The following NSL1 variants were observed in gnomAD, a reference collection of about 807,000 sequenced individuals.
NSL1 encodes kinetochore-associated protein NSL1 homolog.
Under a neutral mutation model 25.4 loss-of-function variants are expected in NSL1, and 11 were observed. The observed-to-expected ratio is 0.43, with a 90% CI of 0.27 to 0.72. The LOEUF (loss-of-function observed/expected upper bound fraction) is 0.72, where lower values mean the gene tolerates loss of function less well. Ranked by LOEUF, NSL1 falls within the 30% of genes least tolerant of loss-of-function variation. NSL1 has a pLI of 0.19. For missense variants in NSL1, 330 were observed against 342.7 expected (o/e 0.96, Z 0.29); for synonymous variants, 118 against 120.6 (o/e 0.98, Z 0.14).
intron 2 of NSL1, among the ~76,000 whole-genome samples, chr1:212,785,257 C>T (rs76454457): frequency 0.023 from 3,510 of 152,130 alleles, 89 homozygotes; most frequent in Non-Finnish European, 0.032. Flanking sequence ...ATTTAGCTAA[C>T]TCTACTTTAT....
chr1:212,727,040 C>T lies in NSL1; in HGVS notation c.*11368G>A, dbSNP rs569607222. 103 of 1,462,774 alleles carry T rather than the reference C, an allele frequency of 7.0e-5. No individual in the cohort carries two copies. Among genetic ancestry groups the T allele is most frequent in the Admixed American group, 1.5e-4 (7 of 47,638 alleles). The allele number at this position is 1,462,774 out of a possible 1,614,324, so 90.6% of individuals were successfully genotyped here. A position where few individuals can be genotyped will look rare whatever the true frequency, so the allele number is the denominator to read the frequency against. ...CTACTCCGGCCTTGGAGATGACTGC[C>T]GAGAGAGGGAGGGCGGGCTCTGGGT... is the stretch of plus-strand genomic sequence containing the variant. On this transcript the variant is annotated 3_prime_UTR_variant, in exon 6 of 6. Transcript: ENST00000366977.
intron 4 of NSL1, among the ~76,000 whole-genome samples, chr1:212,754,744 G>C (rs1259157116): frequency 9.2e-5 from 10 of 108,796 alleles, no homozygotes; most frequent in African/African-American, 3.8e-4. Context: ...ATTCCAGCCT[G>C]GGCAACAAGA....
intron 4 of NSL1, among the ~76,000 whole-genome samples, chr1:212,774,206 AAT>A (rs1227261560): frequency 1.3e-5 from 2 of 152,206 alleles, no homozygotes; most frequent in African/African-American, 2.4e-5. Flanking sequence ...GATTAAAAAT[AAT>A]ATGTCATATA....
chr1:212,755,535 G>A (rs1659263962), intron 4 of NSL1, among the ~76,000 whole-genome samples: 1 of 151,512 alleles, frequency 6.6e-6, no homozygotes, highest in South Asian at 2.1e-4. Context: ...TACATGTTGA[G>A]TGAAAAAAGA....
intron 4 of NSL1, among the ~76,000 whole-genome samples, chr1:212,763,397 A>G (rs11120018): frequency 0.23 from 34,491 of 152,084 alleles, 4,625 homozygotes; most frequent in African/African-American, 0.38. Context: ...AAAGTATCTA[A>G]GTAACAACTA....
chr1:212,771,299 T>C (rs1180691603), intron 4 of NSL1, among the ~76,000 whole-genome samples: 1 of 151,906 alleles, frequency 6.6e-6, no homozygotes, highest in African/African-American at 2.4e-5. Context: ...GGGCAATAAG[T>C]GCAAAACTCC....
chr1:212,777,728 G>C (rs1660440200), intron 4 of NSL1, among the ~76,000 whole-genome samples: 1 of 152,070 alleles, frequency 6.6e-6, no homozygotes, highest in African/African-American at 2.4e-5. Flanking sequence ...CACAAAGAAA[G>C]TTTCAACTAT....
In NSL1 at chr1:212,727,558, AC is replaced by A; in HGVS notation, c.*10849del. ...AAGGACAATGAATTAGACGTGTGCC[AC>A]ATACTTCTCTCAAAAACTTTATGAC... On this transcript the variant is annotated 3_prime_UTR_variant, in exon 6 of 6. Transcript: ENST00000366977. 1.0e-6 allele frequency: 1 copy of A among 985,446 alleles called. No individual in the cohort carries two copies. The highest frequency in any genetic ancestry group is 1.2e-6 in the Non-Finnish European group (1 of 829,928). The allele number at this position is 985,446 out of a possible 1,614,324, so 61.0% of individuals were successfully genotyped here. A position where few individuals can be genotyped will look rare whatever the true frequency, so the allele number is the denominator to read the frequency against.
chr1:212,767,125 C>T (rs1318683442), intron 4 of NSL1, among the ~76,000 whole-genome samples: 2 of 152,154 alleles, frequency 1.3e-5, no homozygotes, highest in Admixed American at 6.5e-5. Context: ...AAAGAGCCCA[C>T]ATAGCCAAAG....
intron 4 of NSL1, among the ~76,000 whole-genome samples, chr1:212,765,383 C>T (rs965401197): frequency 6.6e-6 from 1 of 152,144 alleles, no homozygotes; most frequent in Non-Finnish European, 1.5e-5. Context: ...AAAGATAATA[C>T]ATCATGATCA....
At chr1:212,762,192 G>A (rs561847012) in intron 4 of NSL1, among the ~76,000 whole-genome samples, 1 of 151,522 alleles carries the variant, frequency 6.6e-6, no homozygotes, top group Non-Finnish European at 1.5e-5. Flanking sequence ...CAGCTACTTG[G>A]GAGGCTGAGG....
rs927858232 is a variant in NSL1 at position 212,733,578 on chromosome 1, G to T, written c.*4830C>A. Among the ~76,000 whole-genome samples, 1 of 152,094 alleles carries T rather than the reference G, an allele frequency of 6.6e-6. No homozygotes were observed. The highest frequency in any genetic ancestry group is 1.5e-5 in the Non-Finnish European group (1 of 68,036). The stretch of plus-strand genomic sequence containing the variant: ...GTTCTGGACAGTTCATTTACATGGA[G>T]TCTACAAAATTCAGCAGTCTTTTGT... On this transcript the variant is annotated 3_prime_UTR_variant, in exon 6 of 6. Transcript: ENST00000366977.
chr1:212,727,069 C>G lies in NSL1; in HGVS notation c.*11339G>C. Reference sequence around the variant, plus strand: ...AGAGGGAGGGCGGGCTCTGGGTCACCCAGCTTCATCCTCTTCATCTTGCCA... The same window carrying G: ...AGAGGGAGGGCGGGCTCTGGGTCACGCAGCTTCATCCTCTTCATCTTGCCA... On this transcript the variant is annotated 3_prime_UTR_variant, in exon 6 of 6. Coordinates refer to ENST00000366977, the MANE Select transcript of NSL1 (RefSeq NM_015471.4). The G allele has an allele frequency of 6.6e-7, 1 of 1,516,886 alleles. No individual in the cohort carries two copies. Among genetic ancestry groups the G allele is most frequent in the Admixed American group, 2.1e-5 (1 of 48,756 alleles). The allele number at this position is 1,516,886 out of a possible 1,614,324, so 94.0% of individuals were successfully genotyped here.
chr1:212,773,896 A>G (rs1660233528), intron 4 of NSL1, among the ~76,000 whole-genome samples: 1 of 152,134 alleles, frequency 6.6e-6, no homozygotes, highest in Non-Finnish European at 1.5e-5. Flanking sequence ...ACAAGGATGG[A>G]ACTGGCATTA....
intron 1 of NSL1, among the ~76,000 whole-genome samples, chr1:212,789,373 G>A (rs538129452): frequency 4.0e-4 from 61 of 152,164 alleles, no homozygotes; most frequent in South Asian, 1.5e-3. Context: ...CATCACACCC[G>A]GCTAATTTTT....
intron 4 of NSL1, chr1:212,782,061 G>C (rs774309291): frequency 2.0e-5 from 12 of 600,544 alleles, no homozygotes; most frequent in South Asian, 5.5e-5. Flanking sequence ...GTAATGCAAA[G>C]AATAGATAGT....
chr1:212,738,131 A>C lies in NSL1; in HGVS notation c.*277T>G. 3 of 1,099,828 alleles carry C rather than the reference A, an allele frequency of 2.7e-6. No homozygotes were observed. Among genetic ancestry groups the C allele is most frequent in the Non-Finnish European group, 2.2e-6 (2 of 903,276 alleles). The allele number at this position is 1,099,828 out of a possible 1,614,324, so 68.1% of individuals were successfully genotyped here. On this transcript the variant is annotated 3_prime_UTR_variant, in exon 6 of 6. Coordinates refer to ENST00000366977, the MANE Select transcript of NSL1 (RefSeq NM_015471.4). ...AGGGAGCTGAGAGTTGATGGCACTT[A>C]AGGACAGTAAAAGTCTGCACTTTTA...
chr1:212,789,355 G>T (rs1010102791), intron 1 of NSL1, among the ~76,000 whole-genome samples: 10 of 152,088 alleles, frequency 6.6e-5, no homozygotes, highest in African/African-American at 2.4e-4. Context: ...GGGATTACAG[G>T]CAAGCGCCAT....
chr1:212,737,039 C>G lies in NSL1; in HGVS notation c.*1369G>C. ...ACTGTAAAAACAGCAACATATTATACAGCCTCAAAACAGTTTTAAACTGAA... is the reference window on the plus strand; with the variant it reads ...ACTGTAAAAACAGCAACATATTATAGAGCCTCAAAACAGTTTTAAACTGAA... On this transcript the variant is annotated 3_prime_UTR_variant, in exon 6 of 6. Transcript: ENST00000366977. 3 of 985,282 alleles carry G rather than the reference C, an allele frequency of 3.0e-6. No individual in the cohort carries two copies. The highest frequency in any genetic ancestry group is 3.6e-6 in the Non-Finnish European group (3 of 829,794). The allele number at this position is 985,282 out of a possible 1,614,324, so 61.0% of individuals were successfully genotyped here. A position where few individuals can be genotyped will look rare whatever the true frequency, so the allele number is the denominator to read the frequency against.
Sources: allele counts gnomAD v4.1 joint callset (sites outside exome capture counted in the v4.1 genomes callset), GRCh38; gene constraint gnomAD v4.1.1; transcripts MANE v1.5; gene names NCBI Gene and HGNC (gene_info 2026-07-23, HGNC 2026-07-21).